Variants in CCDC144A observed in about 807,000 individuals in gnomAD.
CCDC144A encodes the protein coiled-coil domain-containing protein 144A.
In CCDC144A, 41 loss-of-function variants were observed where a neutral mutation model predicts 143.8. The ratio of observed to expected loss-of-function variants is 0.29; its 90% CI spans 0.22 to 0.37. The LOEUF is 0.37. Among genes scored for constraint, CCDC144A ranks in the 10% least tolerant of loss-of-function variants. The probability of loss-of-function intolerance (pLI) is 1.00; values close to 1 mark genes in which losing one functional copy is unlikely to be tolerated. For synonymous variants in CCDC144A, 242 were observed against 517.9 expected, an observed-to-expected ratio of 0.47 and a Z score of 7.23; for missense variants, 637 against 1,488.8, an observed-to-expected ratio of 0.43 and a Z score of 9.41.
chr17:16,673,824 C>T, the CCDC144A span, among the ~76,000 whole-genome samples: 1 of 152,092 alleles, frequency 6.6e-6, no homozygotes, highest in African/African-American at 2.4e-5. Flanking sequence ...ATGACCACCA[C>T]ATTTTGAGCA....
In CCDC144A at chr17:16,727,753, A is replaced by T; in HGVS notation, c.2105+13A>T. 1 of 1,601,198 alleles carries T rather than the reference A, an allele frequency of 6.2e-7. No homozygotes were observed. Among genetic ancestry groups the T allele is most frequent in the East Asian group, 2.2e-5 (1 of 44,548 alleles). ...TGTACGATTTGAGGTATGATGTTCTAGTTCTAAAGAAATGTTTATACTAAA... is the reference window on the plus strand; with the variant it reads ...TGTACGATTTGAGGTATGATGTTCTTGTTCTAAAGAAATGTTTATACTAAA... On this transcript the variant is annotated intron_variant, in intron 9 of 16. Transcript: ENST00000399273.
chr17:16,758,390 A>G lies in CCDC144A; in HGVS notation c.3373-3035A>G, dbSNP rs1395126589. ...ACCATCTTTATCACAGACGGTAGGG[A>G]TGCACCCTGGGTTGTGGTTTCTGCG... On this transcript the variant is annotated intron_variant, in intron 12 of 16. Transcript: ENST00000399273. Among the ~76,000 whole-genome samples, 13 of 152,296 alleles carry G rather than the reference A, an allele frequency of 8.5e-5. No homozygotes were observed. In the South Asian group the frequency reaches 1.0e-3, roughly 12 times the overall value.
At chr17:16,759,998 AAGCT>A (rs1250360626) in intron 12 of CCDC144A, among the ~76,000 whole-genome samples, 2 of 152,218 alleles carry the variant, frequency 1.3e-5, no homozygotes, top group Non-Finnish European at 2.9e-5. Context: ...GCGGCATTCG[AAGCT>A]GGCTTTTGGC....
Position 16,757,691 on chromosome 17 carries a change from A to G in CCDC144A, c.3373-3734A>G, listed in dbSNP as rs527410081. Among the ~76,000 whole-genome samples the G allele has an allele frequency of 3.8e-3, 584 of 152,260 alleles. 2 individuals carry two copies. Among genetic ancestry groups the G allele is most frequent in the Non-Finnish European group, 6.3e-3 (429 of 67,996 alleles). The stretch of plus-strand genomic sequence containing the variant: ...GAGTGGGCCAGTCCTCCGGCCTCCT[A>G]AAGGTATGTACAGGTATGCACAGCA... On this transcript the variant is annotated intron_variant, in intron 12 of 16. Coordinates refer to ENST00000399273, the MANE Select transcript of CCDC144A (RefSeq NM_001382000.1).
intron 3 of CCDC144A, chr17:16,707,136 C>A: frequency 1.2e-5 from 3 of 245,588 alleles, no homozygotes; most frequent in Non-Finnish European, 2.3e-5. Context: ...TGCAGCATTG[C>A]CTGATAATAT....
At chr17:16,725,694 G>A (rs1426404387) in intron 8 of CCDC144A, among the ~76,000 whole-genome samples, 1 of 147,790 alleles carries the variant, frequency 6.8e-6, no homozygotes. Flanking sequence ...CTTGGGTGAT[G>A]GGTGCGCCAA....
rs1912300420 is a variant in CCDC144A at position 16,709,935 on chromosome 17, A to C, written c.1578+300A>C. ...GGAGAGGCGTCAAGAAAATCGCTAA[A>C]GGAAATGTGATGAGCTTGAGGGCTT... is the stretch of plus-strand genomic sequence containing the variant. On this transcript the variant is annotated intron_variant, in intron 5 of 16. Transcript: ENST00000399273. 1.8e-5 allele frequency: 6 copies of C among 325,242 alleles called. No individual in the cohort carries two copies. The South Asian group carries it at 2.0e-4, about 11-fold the overall frequency. The allele number at this position is 325,242 out of a possible 1,614,324, so 20.1% of individuals were successfully genotyped here. A position where few individuals can be genotyped will look rare whatever the true frequency, so the allele number is the denominator to read the frequency against.
chr17:16,734,682 T>A lies in CCDC144A; in HGVS notation c.2419-8T>A, dbSNP rs1161917463. On this transcript the variant is annotated splice_region_variant and splice_polypyrimidine_tract_variant and intron_variant, in intron 11 of 16. Transcript: ENST00000399273. ...TGAGTGCTACTGAATGTTTCCTTTC[T>A]TACTTAGATTTCTCATAGGCATCAG... is the stretch of plus-strand genomic sequence containing the variant. 7 of 1,520,194 alleles carry A rather than the reference T, an allele frequency of 4.6e-6. No individual in the cohort carries two copies. 94.2% of individuals were successfully genotyped at this position (1,520,194 alleles called of 1,614,324 possible).
intron 16 of CCDC144A, among the ~76,000 whole-genome samples, chr17:16,772,869 C>A (rs566629030): frequency 6.6e-6 from 1 of 152,320 alleles, no homozygotes; most frequent in South Asian, 2.1e-4. Flanking sequence ...CAGGTTATAG[C>A]ATATGATTGC....
chr17:16,711,150 A>AAAAAAAAAAAAG (rs1567589760), intron 5 of CCDC144A, among the ~76,000 whole-genome samples: 1 of 140,954 alleles, frequency 7.1e-6, no homozygotes, highest in Admixed American at 7.3e-5. Context: ...AAAAAAAAAA[A>AAAAAAAAAAAAG]AAAAAAAACA....
upstream of CCDC144A, among the ~76,000 whole-genome samples, chr17:16,687,022 G>A (rs143351074): frequency 5.1e-3 from 776 of 152,166 alleles, 6 homozygotes; most frequent in Admixed American, 8.2e-3. Flanking sequence ...AGAGCACCAG[G>A]TGAAGGTGGA....
At chr17:16,755,761 A>T (rs1055106340) in intron 12 of CCDC144A, among the ~76,000 whole-genome samples, 6 of 152,166 alleles carry the variant, frequency 3.9e-5, no homozygotes, top group Non-Finnish European at 7.3e-5. Context: ...GGGTTTTGCC[A>T]AATTGCCCAG....
At chr17:16,745,711 G>A in intron 12 of CCDC144A, 4 of 1,613,968 alleles carry the variant, frequency 2.5e-6, no homozygotes, top group African/African-American at 1.3e-5. Context: ...CCACACTCTC[G>A]CGCTCGGAAG....
At chr17:16,703,118 A>G (rs1024926196) in intron 2 of CCDC144A, among the ~76,000 whole-genome samples, 5 of 152,234 alleles carry the variant, frequency 3.3e-5, no homozygotes, top group South Asian at 2.1e-4. Context: ...TTCGTTTTAT[A>G]TGATTAAATA....
chr17:16,702,421 A>G (rs1911785083), intron 2 of CCDC144A, among the ~76,000 whole-genome samples: 2 of 152,212 alleles, frequency 1.3e-5, no homozygotes, highest in South Asian at 4.1e-4. Flanking sequence ...AAACATTGCC[A>G]GCATCTGCCC....
chr17:16,747,516 ATT>A (rs1914592573), intron 12 of CCDC144A, among the ~76,000 whole-genome samples: 1 of 152,216 alleles, frequency 6.6e-6, no homozygotes, highest in African/African-American at 2.4e-5. Flanking sequence ...CAGTATGGCC[ATT>A]TTAATGCTAT....
At chr17:16,678,820 T>C in the CCDC144A span, among the ~76,000 whole-genome samples, 2 of 142,788 alleles carry the variant, frequency 1.4e-5, no homozygotes, top group Non-Finnish European at 3.0e-5. Flanking sequence ...AATGGCGCAA[T>C]CTTGGCTCAT....
At chr17:16,714,613 A>G (rs1479328041) in intron 6 of CCDC144A, among the ~76,000 whole-genome samples, 1 of 151,828 alleles carries the variant, frequency 6.6e-6, no homozygotes, top group African/African-American at 2.4e-5. Context: ...TCTGCTCTCT[A>G]GATGCATGTA....
chr17:16,772,273 C>T (rs1182395252), intron 16 of CCDC144A, among the ~76,000 whole-genome samples: 2 of 152,038 alleles, frequency 1.3e-5, no homozygotes, highest in South Asian at 2.1e-4. Context: ...TTCTGCCATC[C>T]CTATGGAATT....
Sources: gnomAD v4.1 joint callset for allele counts (sites outside exome capture counted in the v4.1 genomes callset) on GRCh38, gnomAD v4.1.1 for gene constraint, MANE v1.5 for transcripts, NCBI Gene and HGNC (gene_info 2026-07-23, HGNC 2026-07-21) for gene names.